Variants in TADA1 observed in about 807,000 individuals in gnomAD.
The protein encoded by TADA1 is transcriptional adaptor 1, also known as transcriptional adapter 1.
In TADA1, 23 loss-of-function variants were observed where a neutral mutation model predicts 39.3. The ratio of observed to expected loss-of-function variants is 0.58; its 90% CI spans 0.42 to 0.83. TADA1 has a LOEUF of 0.83. TADA1 is among the 40% of genes least tolerant of loss of function. TADA1 has a pLI of 0.00. For synonymous variants in TADA1, 137 were observed against 151.8 expected (o/e 0.90, Z 0.72); for missense variants, 352 against 408.1 (o/e 0.86, Z 1.18).
At chr1:166,865,769 A>G (rs913208536) in intron 3 of TADA1, among the ~76,000 whole-genome samples, 3 of 152,076 alleles carry the variant, frequency 2.0e-5, no homozygotes, top group Non-Finnish European at 4.4e-5. Context: ...CAGTGAGCCG[A>G]GAAAGCACCA....
chr1:166,876,128 T>A, intron 1 of TADA1, 32 bp downstream of exon 1: 5 of 1,592,076 alleles, frequency 3.1e-6, no homozygotes, highest in Non-Finnish European at 3.4e-6. Flanking sequence ...ACCCGCGTGT[T>A]GGCCTGGACG....
chr1:166,864,638 A>T (rs1404685642), intron 3 of TADA1, among the ~76,000 whole-genome samples: 1 of 152,220 alleles, frequency 6.6e-6, no homozygotes, highest in Non-Finnish European at 1.5e-5. Context: ...GTACAAAATC[A>T]AAGTGCTGGG....
In TADA1 at chr1:166,856,587, A is replaced by G. The variant is rs1658283006; in HGVS notation, c.*980T>C. ...AGATCCAGATATGTGAACCATATATACATATCTATACAACCATTATTTAGA... is the reference window on the plus strand; with the variant it reads ...AGATCCAGATATGTGAACCATATATGCATATCTATACAACCATTATTTAGA... On this transcript the variant is annotated 3_prime_UTR_variant, in exon 8 of 8. Transcript: ENST00000367874. 1 of 152,670 alleles carries G rather than the reference A, an allele frequency of 6.6e-6. No individual in the cohort carries two copies. The highest frequency in any genetic ancestry group is 1.5e-5 in the Non-Finnish European group (1 of 68,038). 9.5% of individuals were successfully genotyped at this position (152,670 alleles called of 1,614,324 possible).
intron 1 of TADA1, among the ~76,000 whole-genome samples, chr1:166,873,614 G>A (rs971364934): frequency 1.3e-5 from 2 of 152,112 alleles, no homozygotes; most frequent in Admixed American, 1.3e-4. Flanking sequence ...GAGTATTACT[G>A]ACTATTTAAC....
intron 7 of TADA1, 39 bp downstream of exon 7, chr1:166,858,080 T>A: frequency 1.2e-6 from 2 of 1,607,302 alleles, no homozygotes; most frequent in Non-Finnish European, 8.5e-7. Context: ...TCTTAACCTA[T>A]CCATAAACCT....
chr1:166,867,372 A>C (rs1658561140), intron 3 of TADA1, among the ~76,000 whole-genome samples: 1 of 152,236 alleles, frequency 6.6e-6, no homozygotes, highest in African/African-American at 2.4e-5. Context: ...TTGGACATAA[A>C]AGAGGAATGG....
chr1:166,864,489 A>G (rs1658486115), intron 3 of TADA1, among the ~76,000 whole-genome samples: 1 of 152,150 alleles, frequency 6.6e-6, no homozygotes, highest in Admixed American at 6.5e-5. Context: ...GCCTGGAAGA[A>G]ACCCACAACC....
At chr1:166,868,410 C>T (rs780265426) in intron 3 of TADA1, among the ~76,000 whole-genome samples, 3 of 152,192 alleles carry the variant, frequency 2.0e-5, no homozygotes, top group Admixed American at 6.5e-5. Context: ...AGGTTCCCAA[C>T]ATATGCTGGG....
Position 166,869,753 on chromosome 1 carries a change from A to G in TADA1, c.166+10T>C. 6.3e-7 allele frequency: 1 copy of G among 1,598,952 alleles called. No individual in the cohort carries two copies. Among genetic ancestry groups the G allele is most frequent in the Non-Finnish European group, 8.6e-7 (1 of 1,166,892 alleles). On this transcript the variant is annotated intron_variant, in intron 2 of 7. Transcript: ENST00000367874. ...GAATAGTAAAATAACTCTGCAGATA[A>G]TTATTTTACCATTATCCTGTGTGAG... is the stretch of plus-strand genomic sequence containing the variant.
Position 166,876,208 on chromosome 1 carries a change from T to G in TADA1, c.26A>C (p.Glu9Ala), listed in dbSNP as rs371464158. 2 of 1,613,636 alleles carry G rather than the reference T, an allele frequency of 1.2e-6. No homozygotes were observed. Among genetic ancestry groups the G allele is most frequent in the Admixed American group, 1.7e-5 (1 of 59,976 alleles). ...CTCGCTTAAGTTCTTCTTGGCCGCC[T>G]CCAGCTCGCTCACAAAGGTCGCCAT... Reference protein sequence around the residue: MATFVSELEAAKKNLSEAL... With the variant: MATFVSELAAAKKNLSEAL... The change falls in exon 1 of 8, where the codon GAG becomes GCG. Residue 9 changes from glutamate (E) to alanine (A), a missense_variant. Physicochemically the swap from Glu to Ala is moderately radical, Grantham distance 107 (BLOSUM62 -1). Around this residue, in one of 3 missense-constraint regions of TADA1, gnomAD observed 31 missense variants for 25.1 expected, o/e 1.23. Transcript: ENST00000367874.
Position 166,862,370 on chromosome 1 carries a change from A to G in TADA1, c.373T>C (p.Phe125Leu), listed in dbSNP as rs1658436312. ...TCATCTTGGGGATCCTTTGCCACAA[A>G]TTGCTGGGCTCCTGAGAGAGGATTT... ...PQNPLSGAQQFVAKDPQDDDD... is the reference protein window; with the variant it reads ...PQNPLSGAQQLVAKDPQDDDD... The change falls in exon 5 of 8, where the codon TTT becomes CTT. Residue 125 changes from phenylalanine (F) to leucine (L), a missense_variant. Phe to Leu is a conservative substitution (Grantham distance 22). This residue lies in a region of TADA1 where 285 missense variants were observed against 310.9 expected (regional missense o/e 0.92). Transcript: ENST00000367874. 1.2e-6 allele frequency: 2 copies of G among 1,614,228 alleles called. No individual in the cohort carries two copies. The highest frequency in any genetic ancestry group is 1.7e-6 in the Non-Finnish European group (2 of 1,180,050).
At position 166,856,737 on chromosome 1, in the gene TADA1, A is replaced by G. The variant is rs1010915128; in HGVS notation, c.*830T>C. 2.6e-5 allele frequency: 4 copies of G among 152,674 alleles called. No individual in the cohort carries two copies. The highest frequency in any genetic ancestry group is 9.6e-5 in the African/African-American group (4 of 41,456). 9.5% of individuals were successfully genotyped at this position (152,674 alleles called of 1,614,324 possible). A position where few individuals can be genotyped will look rare whatever the true frequency, so the allele number is the denominator to read the frequency against. On this transcript the variant is annotated 3_prime_UTR_variant, in exon 8 of 8. Transcript: ENST00000367874. ...ATCGAATGTAAATTATTTTCACTTC[A>G]TCACTTGAAACGGTAGAAATAGGTA...
rs74123306 is a variant in TADA1 at position 166,869,320 on chromosome 1, T to C, written c.232+125A>G. 4.5e-3 allele frequency: 2,944 copies of C among 648,146 alleles called. 71 individuals are homozygous for C. The African/African-American group carries it at 0.05, about 11-fold the overall frequency. 40.1% of individuals were successfully genotyped at this position (648,146 alleles called of 1,614,324 possible). A position where few individuals can be genotyped will look rare whatever the true frequency, so the allele number is the denominator to read the frequency against. On this transcript the variant is annotated intron_variant, in intron 3 of 7. Transcript: ENST00000367874. The stretch of plus-strand genomic sequence containing the variant: ...TGTAAAAGAATTTGTATCTACCTAA[T>C]AAAACTTTTCTTCTGAGTAGTTCAA...
chr1:166,859,572 G>C (rs752991181), intron 6 of TADA1, among the ~76,000 whole-genome samples: 4 of 152,086 alleles, frequency 2.6e-5, no homozygotes, highest in Non-Finnish European at 4.4e-5. Flanking sequence ...AGTAATCTAG[G>C]TTGTTTCATA....
chr1:166,871,279 G>T (rs1470745117), intron 1 of TADA1, among the ~76,000 whole-genome samples: 5 of 152,088 alleles, frequency 3.3e-5, no homozygotes, highest in Non-Finnish European at 5.9e-5. Context: ...CCACAACCCT[G>T]GTTTTGGTAC....
intron 3 of TADA1, among the ~76,000 whole-genome samples, chr1:166,867,921 G>C (rs1275241011): frequency 6.6e-6 from 1 of 152,016 alleles, no homozygotes; most frequent in Non-Finnish European, 1.5e-5. Flanking sequence ...AGAGAGAGAG[G>C]ATTAAAAAAT....
rs74123307 is a variant in TADA1 at position 166,869,526 on chromosome 1, T to G, written c.167-16A>C. 5,687 of 1,612,002 alleles carry G rather than the reference T, an allele frequency of 3.5e-3. 35 individuals are homozygous for G. Among genetic ancestry groups the G allele is most frequent in the African/African-American group, 0.025 (1,849 of 74,920 alleles). On this transcript the variant is annotated splice_polypyrimidine_tract_variant and intron_variant, in intron 2 of 7. Transcript: ENST00000367874. ...TGAGAATGGACTGAAAAAGGAAAGA[T>G]AGTGACAATCAAATTCAAAACATTT... is the stretch of plus-strand genomic sequence containing the variant.
chr1:166,862,277 T>C lies in TADA1; in HGVS notation c.466A>G (p.Ile156Val). The C allele has an allele frequency of 1.2e-6, 2 of 1,614,146 alleles. No homozygotes were observed. The highest frequency in any genetic ancestry group is 1.7e-6 in the Non-Finnish European group (2 of 1,180,012). Reference protein sequence around the residue: ...PTRGQLEGRMIVTAYEHGLDN... With the variant: ...PTRGQLEGRMVVTAYEHGLDN... ...AGCCCATGCTCATAAGCAGTCACTATCATTCTCCCTTCAAGCTGGCCTCGA... is the reference window on the plus strand; with the variant it reads ...AGCCCATGCTCATAAGCAGTCACTACCATTCTCCCTTCAAGCTGGCCTCGA... The change falls in exon 5 of 8, where the codon ATA (isoleucine) becomes GTA (valine). Residue 156 changes from isoleucine (I) to valine (V), a missense_variant. Coordinates refer to ENST00000367874, the MANE Select transcript of TADA1 (RefSeq NM_053053.4).
intron 1 of TADA1, among the ~76,000 whole-genome samples, chr1:166,874,368 C>T (rs762389819): frequency 1.3e-5 from 2 of 151,808 alleles, no homozygotes; most frequent in African/African-American, 2.4e-5. Flanking sequence ...TTTTATCAGT[C>T]GGTATTACAA....
Sources: allele counts gnomAD v4.1 joint callset (sites outside exome capture counted in the v4.1 genomes callset), GRCh38; gene constraint gnomAD v4.1.1; regional missense constraint gnomAD v4.1.1; transcripts MANE v1.5; gene names NCBI Gene and HGNC (gene_info 2026-07-23, HGNC 2026-07-21).